Variants in GSPT1 observed in about 807,000 individuals in gnomAD.
The protein encoded by GSPT1 is G1 to S phase transition 1.
Under a neutral mutation model 72.5 loss-of-function variants are expected in GSPT1, and 20 were observed. The observed-to-expected ratio is 0.28, with a 90% CI of 0.19 to 0.40. GSPT1 has a LOEUF of 0.40. GSPT1 is among the 10% of genes least tolerant of loss of function. The pLI is 1.00. For synonymous variants in GSPT1, 334 were observed against 293.5 expected, an observed-to-expected ratio of 1.14 and a Z score of -1.41; for missense variants, 580 against 811.9, an observed-to-expected ratio of 0.71 and a Z score of 3.47.
rs534651617 is a variant in GSPT1, at chr16:11,869,923, G to A, written c.*3196C>T. 1 of 152,216 alleles carries A rather than the reference G, an allele frequency of 6.6e-6. No homozygotes were observed. Among genetic ancestry groups the A allele is most frequent in the South Asian group, 2.1e-4 (1 of 4,826 alleles). 9.4% of individuals were successfully genotyped at this position (152,216 alleles called of 1,614,324 possible). A position where few individuals can be genotyped will look rare whatever the true frequency, so the allele number is the denominator to read the frequency against. On this transcript the variant is annotated 3_prime_UTR_variant, in exon 15 of 15. Coordinates refer to ENST00000434724, the MANE Select transcript of GSPT1 (RefSeq NM_002094.4). ...GCTGCAAGTCTAACCCAAAATATTCGCAGCGTATCAGCTGAGAGGATGCCG... is the reference window on the plus strand; with the variant it reads ...GCTGCAAGTCTAACCCAAAATATTCACAGCGTATCAGCTGAGAGGATGCCG...
At chr16:11,883,716 C>G (rs2054153386) in intron 10 of GSPT1, among the ~76,000 whole-genome samples, 1 of 151,812 alleles carries the variant, frequency 6.6e-6, no homozygotes, top group African/African-American at 2.4e-5. Flanking sequence ...AAATCGAGCC[C>G]ATCCTGGCCA....
Position 11,877,329 on chromosome 16 carries a change from A to G in GSPT1, c.1602+78T>C. On this transcript the variant is annotated intron_variant, in intron 12 of 14. Coordinates refer to ENST00000434724, the MANE Select transcript of GSPT1 (RefSeq NM_002094.4). The surrounding 1 kb of genome is among the most constrained non-coding windows in gnomAD (Gnocchi z 4.0). ...TGGGTTAACTGGCATGTCACAAATA[A>G]TCAGGACAAAAGGCACTGATATTCT... The G allele has an allele frequency of 1.0e-6, 1 of 997,108 alleles. No individual in the cohort carries two copies. 61.8% of individuals were successfully genotyped at this position (997,108 alleles called of 1,614,324 possible). A position where few individuals can be genotyped will look rare whatever the true frequency, so the allele number is the denominator to read the frequency against.
upstream of GSPT1, chr16:11,916,134 C>G (rs1364171701): frequency 2.5e-6 from 1 of 396,866 alleles, no homozygotes; most frequent in East Asian, 1.0e-4. Flanking sequence ...AGCGCCCGCG[C>G]TACCCCGCTG....
intron 5 of GSPT1, among the ~76,000 whole-genome samples, chr16:11,893,097 T>G (rs955703206): frequency 3.3e-5 from 5 of 151,668 alleles, no homozygotes; most frequent in African/African-American, 1.2e-4. Context: ...TTGTTTGTTT[T>G]TTTTAAGTAA....
chr16:11,910,390 T>G (rs1053785904), intron 1 of GSPT1, among the ~76,000 whole-genome samples: 2 of 152,218 alleles, frequency 1.3e-5, no homozygotes, highest in Non-Finnish European at 2.9e-5. Flanking sequence ...CTTTCTAGAT[T>G]CCTTCAGGAC....
chr16:11,884,013 C>T (rs2054157248), intron 10 of GSPT1, among the ~76,000 whole-genome samples: 1 of 151,838 alleles, frequency 6.6e-6, no homozygotes, highest in South Asian at 2.1e-4. Context: ...GGCCTGTTTC[C>T]TCATATATAA....
chr16:11,879,337 T>C (rs906865119), intron 11 of GSPT1, among the ~76,000 whole-genome samples: 3 of 150,494 alleles, frequency 2.0e-5, no homozygotes, highest in Non-Finnish European at 3.0e-5. Context: ...GAGGTTGCAG[T>C]GAGCTGAGAT....
At chr16:11,895,159 G>C (rs1324966738) in intron 4 of GSPT1, 172 bp from the exon 5 acceptor site, 5 of 527,842 alleles carry the variant, frequency 9.5e-6, no homozygotes, top group Non-Finnish European at 1.4e-5. Context: ...GGCTGGGCTC[G>C]GTGGCTCACG....
intron 1 of GSPT1, among the ~76,000 whole-genome samples, chr16:11,907,737 A>G (rs1483263097): frequency 6.6e-6 from 1 of 152,206 alleles, no homozygotes; most frequent in Non-Finnish European, 1.5e-5. Flanking sequence ...TAGCATTTCT[A>G]AGGCTCCAGT....
In GSPT1 at chr16:11,915,669, T is replaced by TGCTCCCGCCGCC; in HGVS notation, c.40_51dup (p.Gly14_Ser17dup). The stretch of plus-strand genomic sequence containing the variant: ...GAGTCGCTGCTGCTGCTGCCGCTGC[T>TGCTCCCGCCGCC]GCTCCCGCCGCCGCCGCCGCCGCCG... On this transcript the variant is annotated inframe_insertion, in exon 1 of 15. Transcript: ENST00000434724. 1.4e-6 allele frequency: 2 copies of TGCTCCCGCCGCC among 1,474,386 alleles called. No homozygotes were observed. The highest frequency in any genetic ancestry group is 1.8e-6 in the Non-Finnish European group (2 of 1,117,270). The allele number at this position is 1,474,386 out of a possible 1,614,324, so 91.3% of individuals were successfully genotyped here. A position where few individuals can be genotyped will look rare whatever the true frequency, so the allele number is the denominator to read the frequency against.
intron 8 of GSPT1, 71 bp from the exon 9 acceptor site, chr16:11,886,682 A>G: frequency 1.9e-6 from 3 of 1,545,760 alleles, no homozygotes; most frequent in Non-Finnish European, 2.7e-6. Flanking sequence ...CTAAGTAAAC[A>G]GATTAAGGTT....
intron 1 of GSPT1, among the ~76,000 whole-genome samples, chr16:11,901,991 G>A (rs1251839726): frequency 6.6e-6 from 1 of 151,616 alleles, no homozygotes; most frequent in Non-Finnish European, 1.5e-5. Context: ...AGCTACTTGG[G>A]AGGCTGAGGC....
intron 1 of GSPT1, among the ~76,000 whole-genome samples, chr16:11,914,403 A>G (rs2054600013): frequency 6.6e-6 from 1 of 152,184 alleles, no homozygotes; most frequent in Non-Finnish European, 1.5e-5. Context: ...AGCAACCCCT[A>G]AGTACGGGAA....
rs1201758243 is a variant in GSPT1, at chr16:11,869,971, G to A, written c.*3148C>T. 1 of 152,178 alleles carries A rather than the reference G, an allele frequency of 6.6e-6. No homozygotes were observed. Among genetic ancestry groups the A allele is most frequent in the African/African-American group, 2.4e-5 (1 of 41,432 alleles). 9.4% of individuals were successfully genotyped at this position (152,178 alleles called of 1,614,324 possible). A position where few individuals can be genotyped will look rare whatever the true frequency, so the allele number is the denominator to read the frequency against. On this transcript the variant is annotated 3_prime_UTR_variant, in exon 15 of 15. Transcript: ENST00000434724. ...CCGGCAACTGTTGAACTACATCACA[G>A]TTCAAAGTCCCATATTGTGAGAGCA...
In GSPT1 at chr16:11,915,398, C is replaced by T. The variant is rs1300073296; in HGVS notation, c.323G>A (p.Gly108Glu). The T allele has an allele frequency of 6.6e-7, 1 of 1,511,146 alleles. No homozygotes were observed. Among genetic ancestry groups the T allele is most frequent in the African/African-American group, 1.5e-5 (1 of 67,926 alleles). 93.6% of individuals were successfully genotyped at this position (1,511,146 alleles called of 1,614,324 possible). The part of the protein sequence containing the change: ...PPVGGAANNH[G>E]AGSGAGGRAA... ...ACGGCCTCCCGCGCCGCTGCCGGCTCCGTGGTTATTGGCGGCGCCGCCAAC... is the reference window on the plus strand; with the variant it reads ...ACGGCCTCCCGCGCCGCTGCCGGCTTCGTGGTTATTGGCGGCGCCGCCAAC... Residue 108 changes from glycine to glutamate, a missense_variant, in exon 1 of 15, where the codon GGA becomes GAA. By Grantham distance (98) the Gly-to-Glu change is moderately conservative. Transcript: ENST00000434724.
chr16:11,899,623 A>C lies in GSPT1; in HGVS notation c.353-1588T>G, dbSNP rs373060184. 3.7e-4 allele frequency among the ~76,000 whole-genome samples: 57 copies of C among 152,322 alleles called. No individual in the cohort carries two copies. In the East Asian group the frequency reaches 0.01, roughly 28 times the overall value. On this transcript the variant is annotated intron_variant, in intron 1 of 14. Coordinates refer to ENST00000434724, the MANE Select transcript of GSPT1 (RefSeq NM_002094.4). ...ACGCATTTGAACCTGGTTTGGAAGG[A>C]GGCAGAAACTGTACTTCAACACAAT...
upstream of GSPT1, chr16:11,916,029 C>G (rs1028700711): frequency 3.1e-6 from 2 of 648,872 alleles, no homozygotes; most frequent in African/African-American, 1.8e-5. Flanking sequence ...TGACCCCTCG[C>G]CGCCACCCGT....
intron 1 of GSPT1, among the ~76,000 whole-genome samples, chr16:11,906,318 G>T (rs1331903053): frequency 2.6e-5 from 4 of 152,222 alleles, no homozygotes; most frequent in African/African-American, 9.6e-5. Flanking sequence ...CTAAGAAGGG[G>T]TTAGGGAAAC....
intron 1 of GSPT1, among the ~76,000 whole-genome samples, chr16:11,913,884 A>T (rs1228323295): frequency 6.6e-6 from 1 of 152,206 alleles, no homozygotes; most frequent in East Asian, 1.9e-4. Context: ...CCACACAAAT[A>T]AATGCCACTG....
Sources: gnomAD v4.1 joint callset for allele counts (sites outside exome capture counted in the v4.1 genomes callset) on GRCh38, gnomAD v4.1.1 for gene constraint, Gnocchi (gnomAD v3.1) non-coding constraint, MANE v1.5 for transcripts, NCBI Gene and HGNC (gene_info 2026-07-23, HGNC 2026-07-21) for gene names.